TPST1: variants seen among roughly 807,000 people sequenced by gnomAD.
TPST1 encodes the protein tyrosylprotein sulfotransferase 1, also known as protein-tyrosine sulfotransferase 1.
TPST1 carries 20 observed loss-of-function variants against 34.8 expected under a neutral mutation model. That is an observed-to-expected ratio of 0.57 (90% confidence interval 0.40 to 0.84). TPST1 has a LOEUF of 0.84. Among genes scored for constraint, TPST1 ranks in the 40% least tolerant of loss-of-function variants. TPST1 has a pLI of 0.00. For synonymous variants in TPST1, 152 were observed against 159.4 expected, an observed-to-expected ratio of 0.95 and a Z score of 0.35; for missense variants, 353 against 455.5, an observed-to-expected ratio of 0.78 and a Z score of 2.05.
chr7:66,244,654 A>T (rs1790110756), intron 2 of TPST1, among the ~76,000 whole-genome samples: 1 of 152,176 alleles, frequency 6.6e-6, no homozygotes, highest in Non-Finnish European at 1.5e-5. Flanking sequence ...TCCATCAGGG[A>T]ACTTTTGGGA....
At chr7:66,333,659 G>T (rs941516178) in intron 3 of TPST1, among the ~76,000 whole-genome samples, 3 of 152,004 alleles carry the variant, frequency 2.0e-5, no homozygotes, top group Non-Finnish European at 4.4e-5. Flanking sequence ...TTTTTCCCTT[G>T]CACAACATAG....
chr7:66,230,020 C>G (rs1789743670), intron 1 of TPST1, among the ~76,000 whole-genome samples: 1 of 152,120 alleles, frequency 6.6e-6, no homozygotes, highest in Non-Finnish European at 1.5e-5. Context: ...AACCCCGTCT[C>G]TACTAAAAAA....
chr7:66,307,060 A>G (rs1294759362), intron 3 of TPST1, among the ~76,000 whole-genome samples: 2 of 151,076 alleles, frequency 1.3e-5, no homozygotes, highest in Admixed American at 1.3e-4. Context: ...TTATAGTTGT[A>G]ATTAGAGGGA....
intron 1 of TPST1, among the ~76,000 whole-genome samples, chr7:66,214,784 G>A (rs1220756863): frequency 1.3e-5 from 2 of 150,168 alleles, no homozygotes; most frequent in Admixed American, 6.7e-5. Context: ...CAGCCTGGGC[G>A]ACAGTGTGAG....
At chr7:66,331,854 T>C (rs1405894700) in intron 3 of TPST1, among the ~76,000 whole-genome samples, 1 of 152,168 alleles carries the variant, frequency 6.6e-6, no homozygotes, top group African/African-American at 2.4e-5. Flanking sequence ...ACAAATGGCA[T>C]TAGATTCTCA....
chr7:66,254,425 A>G (rs904628339), intron 2 of TPST1, among the ~76,000 whole-genome samples: 5 of 152,008 alleles, frequency 3.3e-5, no homozygotes, highest in Admixed American at 6.6e-5. Context: ...TTCTTTTGGG[A>G]TGGAGTCTCA....
chr7:66,253,363 T>C (rs1790306824), intron 2 of TPST1, among the ~76,000 whole-genome samples: 1 of 150,976 alleles, frequency 6.6e-6, no homozygotes, highest in African/African-American at 2.4e-5. Flanking sequence ...TTTAGTGAGA[T>C]CGCTTTCTTT....
chr7:66,252,959 A>G (rs1790299043), intron 2 of TPST1, among the ~76,000 whole-genome samples: 1 of 152,202 alleles, frequency 6.6e-6, no homozygotes, highest in African/African-American at 2.4e-5. Flanking sequence ...TCCCGGAACC[A>G]TCTATGGAAA....
chr7:66,224,798 A>G (rs1562802358), intron 1 of TPST1, among the ~76,000 whole-genome samples: 2 of 151,978 alleles, frequency 1.3e-5, no homozygotes, highest in East Asian at 3.9e-4. Flanking sequence ...CTGCTGGGAA[A>G]GAGCAGTTCT....
At chr7:66,203,087 AAAAC>A (rs934596865), upstream of TPST1, among the ~76,000 whole-genome samples, 17 of 152,154 alleles carry the variant, frequency 1.1e-4, no homozygotes, top group East Asian at 5.8e-4. Context: ...TCTCAAAACA[AAAAC>A]AAACAAACAA....
chr7:66,236,547 C>T (rs2116381077), intron 1 of TPST1, among the ~76,000 whole-genome samples: 1 of 152,210 alleles, frequency 6.6e-6, no homozygotes, highest in East Asian at 1.9e-4. Context: ...AGCTGTCCCA[C>T]CTTTCCAAAC....
upstream of TPST1, among the ~76,000 whole-genome samples, chr7:66,202,141 G>GT (rs547932211): frequency 2.0e-5 from 3 of 152,158 alleles, no homozygotes; most frequent in East Asian, 5.8e-4. Flanking sequence ...ATATTTTGGA[G>GT]TTTTTTTTCC....
At chr7:66,276,867 T>C (rs772557914) in intron 2 of TPST1, among the ~76,000 whole-genome samples, 1 of 152,224 alleles carries the variant, frequency 6.6e-6, no homozygotes, top group Non-Finnish European at 1.5e-5. Context: ...AACAACTCTT[T>C]ATGGTATTTG....
intron 2 of TPST1, among the ~76,000 whole-genome samples, chr7:66,285,060 TC>T (rs1280899060): frequency 4.6e-5 from 7 of 152,184 alleles, no homozygotes; most frequent in Admixed American, 4.6e-4. Context: ...TTCCTTATTA[TC>T]TTCAAGGTAA....
chr7:66,346,563 A>G (rs879845822), intron 3 of TPST1, among the ~76,000 whole-genome samples: 7 of 152,092 alleles, frequency 4.6e-5, no homozygotes, highest in Admixed American at 4.6e-4. Flanking sequence ...TTTGATTTGC[A>G]TCTCCCTGAT....
At chr7:66,346,605 A>G (rs944972874) in intron 3 of TPST1, among the ~76,000 whole-genome samples, 1 of 152,116 alleles carries the variant, frequency 6.6e-6, no homozygotes, top group Non-Finnish European at 1.5e-5. Flanking sequence ...ACCTTTTCAT[A>G]TACCTGCTTG....
upstream of TPST1, among the ~76,000 whole-genome samples, chr7:66,204,264 T>C (rs1319362411): frequency 6.6e-6 from 1 of 152,132 alleles, no homozygotes; most frequent in East Asian, 1.9e-4. Flanking sequence ...ATGGATGAAC[T>C]TTGAAAATAT....
intron 3 of TPST1, among the ~76,000 whole-genome samples, chr7:66,341,035 T>C (rs1792227173): frequency 6.6e-6 from 1 of 152,054 alleles, no homozygotes; most frequent in Non-Finnish European, 1.5e-5. Context: ...CCCAAAGTAA[T>C]CTACAGAGTC....
chr7:66,296,263 CA>C (rs869272402), intron 3 of TPST1, among the ~76,000 whole-genome samples: 1,748 of 42,280 alleles, frequency 0.041, 133 homozygotes, highest in East Asian at 0.17. Context: ...CCCCCTCCCC[CA>C]CCGTCTCTGC....
Sources: allele counts gnomAD v4.1 joint callset (sites outside exome capture counted in the v4.1 genomes callset), GRCh38; gene constraint gnomAD v4.1.1; transcripts MANE v1.5; gene names NCBI Gene and HGNC (gene_info 2026-07-23, HGNC 2026-07-21).